The following ZC3H14 variants were observed in gnomAD, a reference collection of about 807,000 sequenced individuals.
ZC3H14 encodes the protein zinc finger CCCH domain-containing protein 14.
ZC3H14 carries 31 observed loss-of-function variants against 92.4 expected under a neutral mutation model. The ratio of observed to expected loss-of-function variants is 0.34; its 90% CI spans 0.25 to 0.45. The LOEUF is 0.45. Ranked by LOEUF, ZC3H14 falls within the 20% of genes least tolerant of loss-of-function variation. The pLI is 1.00. For synonymous variants in ZC3H14, 321 were observed against 300.9 expected (o/e 1.07, Z -0.69); for missense variants, 781 against 897.3 (o/e 0.87, Z 1.66).
At chr14:88,611,441 A>C (rs1241568156) in intron 16 of ZC3H14, among the ~76,000 whole-genome samples, 2 of 152,222 alleles carry the variant, frequency 1.3e-5, no homozygotes, top group African/African-American at 2.4e-5. Context: ...TACTAAGGCC[A>C]GCAGGAGTAT....
chr14:88,563,326 C>T (rs1167028203), intron 1 of ZC3H14, 157 bp downstream of exon 1: 3 of 1,496,846 alleles, frequency 2.0e-6, no homozygotes, highest in Non-Finnish European at 2.7e-6. Context: ...GCCGCCTCGG[C>T]CCTGGGGACA....
At chr14:88,575,255 A>G (rs1041283498) in intron 7 of ZC3H14, among the ~76,000 whole-genome samples, 7 of 152,180 alleles carry the variant, frequency 4.6e-5, no homozygotes, top group African/African-American at 1.7e-4. Context: ...TTAATGTAAT[A>G]CCGTGTAAGA....
At chr14:88,567,139 A>G (rs1424965894) in intron 2 of ZC3H14, among the ~76,000 whole-genome samples, 3 of 48,180 alleles carry the variant, frequency 6.2e-5, no homozygotes, top group Admixed American at 3.9e-4. Context: ...TTTTTGAGAC[A>G]GAGTCTTGCT....
chr14:88,589,437 C>T (rs2082838946), intron 9 of ZC3H14: 1 of 152,176 alleles, frequency 6.6e-6, no homozygotes, highest in Non-Finnish European at 1.5e-5. Context: ...TTTGTTTCAT[C>T]CAAATTCAAG....
At chr14:88,574,287 C>T (rs1423974410) in intron 6 of ZC3H14, 1 of 176,806 alleles carries the variant, frequency 5.7e-6, no homozygotes, top group East Asian at 1.6e-4. Flanking sequence ...ACTCTGTCGC[C>T]CAGGCTGGAG....
intron 9 of ZC3H14, among the ~76,000 whole-genome samples, chr14:88,584,949 T>TA (rs568654901): frequency 6.1e-5 from 9 of 147,332 alleles, no homozygotes; most frequent in East Asian, 2.0e-4. Context: ...GAACCATGGT[T>TA]AAAAAAAAAA....
Position 88,616,362 on chromosome 14 carries a change from G to T in ZC3H14, c.*4611G>T. ...GAGAGAGTAGGGAGTTAGCACCGCA[G>T]CCAGTGATTAGAATGCTTTTCAGCA... On this transcript the variant is annotated 3_prime_UTR_variant, in exon 17 of 17. Coordinates refer to ENST00000251038, the MANE Select transcript of ZC3H14 (RefSeq NM_024824.5). The T allele has an allele frequency of 1.0e-6, 1 of 956,362 alleles. No individual in the cohort carries two copies. The highest frequency in any genetic ancestry group is 1.6e-6 in the Non-Finnish European group (1 of 615,504). 59.2% of individuals were successfully genotyped at this position (956,362 alleles called of 1,614,324 possible).
intron 9 of ZC3H14, chr14:88,595,120 T>C: frequency 6.2e-7 from 1 of 1,606,750 alleles, no homozygotes. Context: ...AGGTAAACTC[T>C]TAATATATGA....
At chr14:88,576,162 C>T (rs1400038319) in intron 8 of ZC3H14, among the ~76,000 whole-genome samples, 3 of 152,086 alleles carry the variant, frequency 2.0e-5, no homozygotes, top group Non-Finnish European at 4.4e-5. Flanking sequence ...CATATAATGC[C>T]TTTTATATCT....
At position 88,612,686 on chromosome 14, in the gene ZC3H14, A is replaced by T. The variant is rs1013872013; in HGVS notation, c.*935A>T. 6.6e-6 allele frequency: 1 copy of T among 152,640 alleles called. No individual in the cohort carries two copies. The highest frequency in any genetic ancestry group is 1.5e-5 in the Non-Finnish European group (1 of 68,026). The allele number at this position is 152,640 out of a possible 1,614,324, so 9.5% of individuals were successfully genotyped here. On this transcript the variant is annotated 3_prime_UTR_variant, in exon 17 of 17. Coordinates refer to ENST00000251038, the MANE Select transcript of ZC3H14 (RefSeq NM_024824.5). ...AATGTAAAAATTAGATTTAAATAGT[A>T]TATTTTAAATGACAGAACTATAATT...
chr14:88,619,866 T>G lies in ZC3H14; in HGVS notation c.*8115T>G, dbSNP rs1203590669. 1 of 152,212 alleles carries G rather than the reference T, an allele frequency of 6.6e-6. No homozygotes were observed. Among genetic ancestry groups the G allele is most frequent in the Non-Finnish European group, 1.5e-5 (1 of 68,062 alleles). 9.4% of individuals were successfully genotyped at this position (152,212 alleles called of 1,614,324 possible). A position where few individuals can be genotyped will look rare whatever the true frequency, so the allele number is the denominator to read the frequency against. ...TTTTAGTTGAGATGGGGTTTCACTA[T>G]GTTGGCCAGGCTGGTCGAGTACTCC... On this transcript the variant is annotated 3_prime_UTR_variant, in exon 17 of 17. Coordinates refer to ENST00000251038, the MANE Select transcript of ZC3H14 (RefSeq NM_024824.5).
chr14:88,611,241 T>TCA (rs2086678136), intron 16 of ZC3H14, among the ~76,000 whole-genome samples: 1 of 1,338 alleles, frequency 7.5e-4, no homozygotes, highest in Non-Finnish European at 9.8e-3. Flanking sequence ...TCCTCCCACC[T>TCA]GTAGCTGAGA....
intron 2 of ZC3H14, among the ~76,000 whole-genome samples, chr14:88,565,522 GT>G (rs2079450189): frequency 6.6e-6 from 1 of 152,148 alleles, no homozygotes; most frequent in African/African-American, 2.4e-5. Flanking sequence ...TTGTAGCTAA[GT>G]GAACCAATCT....
At position 88,588,459 on chromosome 14, in the gene ZC3H14, T is replaced by C. The variant is rs561289451; in HGVS notation, c.1280-8275T>C. 3.9e-5 allele frequency among the ~76,000 whole-genome samples: 6 copies of C among 152,376 alleles called. No homozygotes were observed. The South Asian group carries it at 1.2e-3, about 32-fold the overall frequency. On this transcript the variant is annotated intron_variant, in intron 9 of 16. Coordinates refer to ENST00000251038, the MANE Select transcript of ZC3H14 (RefSeq NM_024824.5). ...GTTGAAGTCATTTTCTTCAGAACTT[T>C]GAAGGCATAGTTTCATTATCTTGAG... is the stretch of plus-strand genomic sequence containing the variant.
At position 88,567,985 on chromosome 14, in the gene ZC3H14, T is replaced by A. The variant is rs895434482; in HGVS notation, c.80-54T>A. ...TCTATATTTTCAAGCACATCAACTT[T>A]AAGAAGAAAGTTTTGAGGAAACAAA... On this transcript the variant is annotated intron_variant, in intron 2 of 16. Transcript: ENST00000251038. 2.8e-6 allele frequency: 4 copies of A among 1,451,882 alleles called. No homozygotes were observed. The African/African-American group carries it at 4.2e-5, about 15-fold the overall frequency. The allele number at this position is 1,451,882 out of a possible 1,614,324, so 89.9% of individuals were successfully genotyped here.
At position 88,618,216 on chromosome 14, in the gene ZC3H14, A is replaced by C; in HGVS notation, c.*6465A>C. On this transcript the variant is annotated 3_prime_UTR_variant, in exon 17 of 17. Coordinates refer to ENST00000251038, the MANE Select transcript of ZC3H14 (RefSeq NM_024824.5). ...AAGTCAGTTCTTGCCTTGTGAATAT[A>C]TAAGTATTTACCTAGTCCATGTAGC... 1 of 1,611,010 alleles carries C rather than the reference A, an allele frequency of 6.2e-7. No homozygotes were observed. Among genetic ancestry groups the C allele is most frequent in the South Asian group, 1.1e-5 (1 of 90,986 alleles).
At position 88,625,202 on chromosome 14, in the gene ZC3H14, T is replaced by C; in HGVS notation, c.*13451T>C. 1 of 1,515,952 alleles carries C rather than the reference T, an allele frequency of 6.6e-7. No individual in the cohort carries two copies. Among genetic ancestry groups the C allele is most frequent in the Non-Finnish European group, 9.0e-7 (1 of 1,115,498 alleles). The allele number at this position is 1,515,952 out of a possible 1,614,324, so 93.9% of individuals were successfully genotyped here. ...GAGTTTAAATAGATAATTTTCTATG[T>C]ATGTGTAATGCTGTCTCACCCTTGA... On this transcript the variant is annotated 3_prime_UTR_variant, in exon 17 of 17. Transcript: ENST00000251038.
At position 88,624,847 on chromosome 14, in the gene ZC3H14, G is replaced by A. The variant is rs2089676362; in HGVS notation, c.*13096G>A. 9.8e-7 allele frequency: 1 copy of A among 1,019,676 alleles called. No homozygotes were observed. Among genetic ancestry groups the A allele is most frequent in the African/African-American group, 1.7e-5 (1 of 60,280 alleles). 63.2% of individuals were successfully genotyped at this position (1,019,676 alleles called of 1,614,324 possible). The stretch of plus-strand genomic sequence containing the variant: ...GCACATAAAAGGTAATAAAGGAGAA[G>A]CATATGAGGAGGAAGGTCGGAGAGG... On this transcript the variant is annotated 3_prime_UTR_variant, in exon 17 of 17. Transcript: ENST00000251038.
Position 88,613,282 on chromosome 14 carries a change from T to G in ZC3H14, c.*1531T>G, listed in dbSNP as rs1020558704. 6.6e-6 allele frequency: 1 copy of G among 152,184 alleles called. No homozygotes were observed. The highest frequency in any genetic ancestry group is 6.5e-5 in the Admixed American group (1 of 15,280). 9.4% of individuals were successfully genotyped at this position (152,184 alleles called of 1,614,324 possible). ...TGACAGTTCCTCTTCATTCTAAAGG[T>G]TTACTCCATTGAATTTAAGGCATTT... On this transcript the variant is annotated 3_prime_UTR_variant, in exon 17 of 17. Transcript: ENST00000251038.
Sources: allele counts gnomAD v4.1 joint callset (sites outside exome capture counted in the v4.1 genomes callset), GRCh38; gene constraint gnomAD v4.1.1; transcripts MANE v1.5; gene names NCBI Gene and HGNC (gene_info 2026-07-23, HGNC 2026-07-21).